RNASE9: variants seen among roughly 807,000 people sequenced by gnomAD.
RNASE9 encodes the protein inactive ribonuclease-like protein 9.
For synonymous variants in RNASE9, 95 were observed against 87.6 expected, an observed-to-expected ratio of 1.08 and a Z score of -0.47; for missense variants, 263 against 247.1, an observed-to-expected ratio of 1.06 and a Z score of -0.43.
In RNASE9 at chr14:20,558,616, C is replaced by A. The variant is rs115615498; in HGVS notation, c.-1547G>T. The A allele has an allele frequency of 4.5e-4, 700 of 1,548,026 alleles. 5 individuals are homozygous for A. In the African/African-American group the frequency reaches 8.7e-3, roughly 19 times the overall value. ...CAGGTCAGAGAGCTCGGAACATACT[C>A]TCACAAGAACGCGGAGCCTCTGCAA... On this transcript the variant is annotated 5_prime_UTR_variant, in exon 3 of 3. Coordinates refer to ENST00000555230, the Ensembl canonical transcript of RNASE9.
chr14:20,556,666 C>A lies in RNASE9; in HGVS notation c.404G>T (p.Gly135Val), dbSNP rs757877031. 2 of 1,613,102 alleles carry A rather than the reference C, an allele frequency of 1.2e-6. No individual in the cohort carries two copies. Among genetic ancestry groups the A allele is most frequent in the Admixed American group, 3.3e-5 (2 of 60,014 alleles). ...ATTACAATACACTCCTTCTACAAGA[C>A]CTTTGCTCCTGTTACATTTCCTAAT... Residue 135 changes from glycine to valine, a missense_variant, in exon 3 of 3, where the codon GGT becomes GTT. Gly to Val is a moderately radical substitution (Grantham distance 109). Transcript: ENST00000555230.
rs375436928 is a variant in RNASE9, at chr14:20,558,524, A to G, written c.-1455T>C. 6.0e-4 allele frequency: 921 copies of G among 1,530,260 alleles called. 2 individuals are homozygous for G. The highest frequency in any genetic ancestry group is 7.4e-4 in the Non-Finnish European group (838 of 1,127,604). The allele number at this position is 1,530,260 out of a possible 1,614,324, so 94.8% of individuals were successfully genotyped here. On this transcript the variant is annotated 5_prime_UTR_variant, in exon 3 of 3. Coordinates refer to ENST00000555230, the Ensembl canonical transcript of RNASE9. ...CCCTCCCCTCCCTGCTTTTCCTCCC[A>G]TCCCTGCTTTCACACTGTCATCAGT...
chr14:20,556,151 T>C (rs1367563670), exon 3 of RNASE9: 2 of 295,432 alleles, frequency 6.8e-6, no homozygotes, highest in African/African-American at 4.3e-5. Flanking sequence ...GATGTGTCTT[T>C]GGAGCACACT....
intron 1 of RNASE9, 71 bp downstream of exon 1, chr14:20,560,803 A>C (rs1883925185): frequency 6.6e-6 from 1 of 152,178 alleles, no homozygotes; most frequent in Non-Finnish European, 1.5e-5. Context: ...GAGATATGAA[A>C]TATTTTGTGA....
At chr14:20,556,881 T>C in exon 3 of RNASE9, 1 of 1,614,232 alleles carries the variant, frequency 6.2e-7, no homozygotes, top group Non-Finnish European at 8.5e-7. Context: ...TTTTGACTTT[T>C]TCTTTGGTAG....
exon 3 of RNASE9, chr14:20,558,494 A>G (rs150762785): frequency 7.3e-7 from 1 of 1,377,212 alleles, no homozygotes; most frequent in African/African-American, 1.4e-5. Flanking sequence ...CATGTGCCAC[A>G]CTGTCCCTCC....
rs1014372336 is a variant in RNASE9, at chr14:20,556,336, A to T, written c.*116T>A. On this transcript the variant is annotated 3_prime_UTR_variant, in exon 3 of 3. Transcript: ENST00000555230. ...TTGTGAGGTGTTGGGAAAGGAAGAA[A>T]GGAAGGTGGGTGATTAAAGTGAATG... is the stretch of plus-strand genomic sequence containing the variant. The T allele has an allele frequency of 8.0e-6, 6 of 749,928 alleles. No homozygotes were observed. The African/African-American group carries it at 1.0e-4, about 13-fold the overall frequency. 46.5% of individuals were successfully genotyped at this position (749,928 alleles called of 1,614,324 possible). A position where few individuals can be genotyped will look rare whatever the true frequency, so the allele number is the denominator to read the frequency against.
chr14:20,558,698 G>T, intron 2 of RNASE9: 1 of 996,820 alleles, frequency 1.0e-6, no homozygotes, highest in Non-Finnish European at 1.6e-6. Context: ...AATTCAGGCA[G>T]CTGTGGCCCT....
At chr14:20,558,683 A>T in intron 2 of RNASE9, 1 of 1,164,246 alleles carries the variant, frequency 8.6e-7, no homozygotes, top group Non-Finnish European at 1.3e-6. Flanking sequence ...ACGTGTGAAA[A>T]GCAGAATTCA....
exon 3 of RNASE9, chr14:20,558,559 G>T: frequency 6.5e-7 from 1 of 1,550,348 alleles, no homozygotes; most frequent in Non-Finnish European, 8.7e-7. Context: ...TGTCCTCCAG[G>T]AAGTCTCTTC....
intron 1 of RNASE9, among the ~76,000 whole-genome samples, 194 bp downstream of exon 1, chr14:20,560,680 A>G (rs1371450230): frequency 6.6e-6 from 1 of 152,178 alleles, no homozygotes; most frequent in African/African-American, 2.4e-5. Context: ...ATATTCATAG[A>G]ATTGTATATT....
chr14:20,556,667 C>A, exon 3 of RNASE9: 1 of 1,613,554 alleles, frequency 6.2e-7, no homozygotes, highest in Non-Finnish European at 8.5e-7. Flanking sequence ...TCTACAAGAC[C>A]TTTGCTCCTG....
chr14:20,559,180 G>C (rs1300301273), intron 2 of RNASE9, among the ~76,000 whole-genome samples: 1 of 151,682 alleles, frequency 6.6e-6, no homozygotes, highest in Non-Finnish European at 1.5e-5. Flanking sequence ...TCAGAACTCC[G>C]GGGTTCAAGG....
chr14:20,558,509 C>T (rs1319533223), exon 3 of RNASE9: 1 of 1,479,050 alleles, frequency 6.8e-7, no homozygotes, highest in Non-Finnish European at 9.3e-7. Context: ...CCCTCCCCTC[C>T]CTGCTTTTCC....
At chr14:20,558,662 A>C in intron 2 of RNASE9, 1 of 1,367,480 alleles carries the variant, frequency 7.3e-7, no homozygotes, top group Non-Finnish European at 1.0e-6. Context: ...TGGAGAGAAC[A>C]TGGACAGTAC....
chr14:20,558,741 C>A, intron 2 of RNASE9: 3 of 718,356 alleles, frequency 4.2e-6, no homozygotes, highest in Non-Finnish European at 7.7e-6. Context: ...ATGCACAGGG[C>A]CTGTCCAGAA....
At chr14:20,558,794 T>C in intron 2 of RNASE9, 5 of 575,094 alleles carry the variant, frequency 8.7e-6, no homozygotes, top group Non-Finnish European at 1.6e-5. Context: ...TAATTCTTGA[T>C]TTATGAATTC....
At chr14:20,558,503 C>T (rs1269982924) in exon 3 of RNASE9, 10 of 1,434,186 alleles carry the variant, frequency 7.0e-6, no homozygotes, top group Non-Finnish European at 9.6e-6. Flanking sequence ...CACTGTCCCT[C>T]CCCTCCCTGC....
chr14:20,558,614 C>T (rs891297), exon 3 of RNASE9: 342,211 of 1,544,106 alleles, frequency 0.22, 46,533 homozygotes, highest in African/African-American at 0.66. Context: ...TCGGAACATA[C>T]TCTCACAAGA....
Sources: allele counts gnomAD v4.1 joint callset (sites outside exome capture counted in the v4.1 genomes callset), GRCh38; gene constraint gnomAD v4.1.1; transcripts MANE v1.5; gene names NCBI Gene and HGNC (gene_info 2026-07-23, HGNC 2026-07-21).